The following ANKRD10 variants were observed in gnomAD, a reference collection of about 807,000 sequenced individuals.
ANKRD10 encodes the protein ankyrin repeat domain 10.
Under a neutral mutation model 27.0 loss-of-function variants are expected in ANKRD10, and 14 were observed. The observed-to-expected ratio is 0.52, with a 90% CI of 0.34 to 0.81. The LOEUF (loss-of-function observed/expected upper bound fraction) is 0.81. Among genes scored for constraint, ANKRD10 ranks in the 40% least tolerant of loss-of-function variants. ANKRD10 has a pLI of 0.01. For synonymous variants in ANKRD10, 250 were observed against 224.5 expected (o/e 1.11, Z -1.01); for missense variants, 493 against 544.0 (o/e 0.91, Z 0.93).
intron 3 of ANKRD10, chr13:110,895,208 T>C (rs989821377): frequency 1.3e-5 from 2 of 152,046 alleles, no homozygotes; most frequent in African/African-American, 4.8e-5. Flanking sequence ...AAATATGAAA[T>C]AAAGCCCACA....
intron 4 of ANKRD10, among the ~76,000 whole-genome samples, chr13:110,885,286 C>G (rs2064898873): frequency 6.6e-6 from 1 of 151,998 alleles, no homozygotes; most frequent in Non-Finnish European, 1.5e-5. Context: ...GGCATGGTGG[C>G]TCATGCCTGT....
chr13:110,887,852 C>A (rs1026544059), intron 4 of ANKRD10, among the ~76,000 whole-genome samples: 2 of 152,220 alleles, frequency 1.3e-5, no homozygotes, highest in Non-Finnish European at 2.9e-5. Flanking sequence ...GGCCTTTCCA[C>A]TGAACTGAGT....
chr13:110,909,386 G>A (rs1274808493), intron 2 of ANKRD10, among the ~76,000 whole-genome samples: 2 of 152,126 alleles, frequency 1.3e-5, no homozygotes, highest in African/African-American at 2.4e-5. Context: ...AACACAAGGC[G>A]CTGCCCAGCA....
chr13:110,893,301 C>T (rs182915684), intron 3 of ANKRD10, 38 bp from the exon 4 acceptor site: 36 of 1,595,386 alleles, frequency 2.3e-5, no homozygotes, highest in East Asian at 9.0e-5. Context: ...ACCCCATCCG[C>T]GTGCTAACCT....
chr13:110,905,248 T>C (rs1444650950), intron 3 of ANKRD10: 1 of 152,126 alleles, frequency 6.6e-6, no homozygotes, highest in Admixed American at 6.5e-5. Flanking sequence ...AGAAGAAAAA[T>C]TTTTATAATA....
intron 3 of ANKRD10, chr13:110,894,095 T>C (rs745310376): frequency 6.4e-7 from 1 of 1,564,498 alleles, no homozygotes; most frequent in Admixed American, 1.7e-5. Flanking sequence ...ATAGAGTAAG[T>C]TGAACTTGTA....
At chr13:110,913,778 C>T (rs1249216769) in intron 1 of ANKRD10, among the ~76,000 whole-genome samples, 1 of 152,210 alleles carries the variant, frequency 6.6e-6, no homozygotes, top group African/African-American at 2.4e-5. Context: ...ATACACATCC[C>T]TGAATTTCAG....
In ANKRD10 at chr13:110,894,261, T is replaced by TA. The variant is rs1289771319; in HGVS notation, c.456-999dup. On this transcript the variant is annotated intron_variant, in intron 3 of 5. Transcript: ENST00000267339. ...TTGATAAACAAACGGGAGAAGTACT[T>TA]AACAGCAAAGACAGCTTCCATACCT... The TA allele has an allele frequency of 5.1e-6, 6 of 1,184,928 alleles. No individual in the cohort carries two copies. The East Asian group carries it at 1.2e-4, about 23-fold the overall frequency. 73.4% of individuals were successfully genotyped at this position (1,184,928 alleles called of 1,614,324 possible).
At chr13:110,907,819 T>C (rs2065580302) in intron 2 of ANKRD10, among the ~76,000 whole-genome samples, 1 of 151,702 alleles carries the variant, frequency 6.6e-6, no homozygotes, top group Non-Finnish European at 1.5e-5. Flanking sequence ...CATAAAAACA[T>C]TCCCAGGAAA....
Position 110,910,425 on chromosome 13 carries a change from A to G in ANKRD10, c.363+193T>C, listed in dbSNP as rs112228704. Among the ~76,000 whole-genome samples the G allele has an allele frequency of 3.4e-3, 516 of 152,356 alleles. 1 individual carries two copies. The highest frequency in any genetic ancestry group is 5.5e-3 in the Non-Finnish European group (377 of 68,028). The stretch of plus-strand genomic sequence containing the variant: ...ATCACACAACAGGTGAAAGCACTCT[A>G]TGAACAGAAAGCATTCCTATGGAAA... On this transcript the variant is annotated intron_variant, in intron 2 of 5. Coordinates refer to ENST00000267339, the MANE Select transcript of ANKRD10 (RefSeq NM_017664.4).
chr13:110,907,689 C>A (rs1472965632), intron 2 of ANKRD10, among the ~76,000 whole-genome samples: 2 of 152,104 alleles, frequency 1.3e-5, no homozygotes, highest in African/African-American at 2.4e-5. Context: ...GAAAACCATG[C>A]GGCTATAAAC....
At chr13:110,880,477 G>A (rs1222885313) in intron 5 of ANKRD10, among the ~76,000 whole-genome samples, 2 of 152,066 alleles carry the variant, frequency 1.3e-5, no homozygotes, top group Non-Finnish European at 2.9e-5. Context: ...AATCGCCCCT[G>A]AAAAGGTCCA....
At chr13:110,913,472 C>G in intron 1 of ANKRD10, among the ~76,000 whole-genome samples, 1 of 152,258 alleles carries the variant, frequency 6.6e-6, no homozygotes, top group Non-Finnish European at 1.5e-5. Flanking sequence ...AGGAACCTAA[C>G]AGCCCTTGAG....
Position 110,879,804 on chromosome 13 carries a change from C to G in ANKRD10, c.1096G>C (p.Glu366Gln). 2 of 1,614,232 alleles carry G rather than the reference C, an allele frequency of 1.2e-6. No individual in the cohort carries two copies. The highest frequency in any genetic ancestry group is 1.7e-6 in the Non-Finnish European group (2 of 1,180,036). ...TAGTACAGGTTATCCCCAATGTCTTCCACCCAGGAAGGCCTACTGGCTATG... is the reference window on the plus strand; with the variant it reads ...TAGTACAGGTTATCCCCAATGTCTTGCACCCAGGAAGGCCTACTGGCTATG... ...SCIASRPSWV[E>Q]DIGDNLYYGH... is the part of the protein sequence containing the mutation. The change falls in exon 6 of 6, where the codon GAA becomes CAA. Residue 366 changes from glutamate (E) to glutamine (Q), a missense_variant. Coordinates refer to ENST00000267339, the MANE Select transcript of ANKRD10 (RefSeq NM_017664.4).
rs757601177 is a variant in ANKRD10, at chr13:110,883,711, AAACTCC to A, written c.768_773del (p.Arg256_Phe258delinsSer). ...GTCCACTCCCACCTGTTACAACAGC[AAACTCC>A]CTATCAACGTGCATTTTGTCAGCAT... is the stretch of plus-strand genomic sequence containing the variant. On this transcript the variant is annotated inframe_deletion, in exon 5 of 6. Coordinates refer to ENST00000267339, the MANE Select transcript of ANKRD10 (RefSeq NM_017664.4). The A allele has an allele frequency of 4.3e-6, 7 of 1,614,178 alleles. No individual in the cohort carries two copies. The highest frequency in any genetic ancestry group is 5.9e-6 in the Non-Finnish European group (7 of 1,180,012).
At chr13:110,882,763 ATTTTC>A (rs1182597005) in intron 5 of ANKRD10, among the ~76,000 whole-genome samples, 5 of 152,282 alleles carry the variant, frequency 3.3e-5, no homozygotes, top group East Asian at 3.9e-4. Context: ...AGATGAACAC[ATTTTC>A]TTTTAAGTTT....
intron 1 of ANKRD10, among the ~76,000 whole-genome samples, chr13:110,912,826 TTTCTG>T (rs2065758774): frequency 6.6e-6 from 1 of 152,196 alleles, no homozygotes; most frequent in African/African-American, 2.4e-5. Context: ...CCTGGCCTGA[TTTCTG>T]TCCTAACGGC....
chr13:110,914,390 GC>G (rs1018391979), intron 1 of ANKRD10: 2 of 188,238 alleles, frequency 1.1e-5, no homozygotes, highest in African/African-American at 4.7e-5. Flanking sequence ...GCGCGCGCGC[GC>G]TCGCACAGGA....
intron 2 of ANKRD10, among the ~76,000 whole-genome samples, chr13:110,908,244 AAAATT>A (rs542233855): frequency 2.6e-3 from 399 of 152,340 alleles, no homozygotes; most frequent in African/African-American, 9.1e-3. Flanking sequence ...CTAGATATGA[AAAATT>A]AAAGACAACA....
Sources: gnomAD v4.1 joint callset for allele counts (sites outside exome capture counted in the v4.1 genomes callset) on GRCh38, gnomAD v4.1.1 for gene constraint, MANE v1.5 for transcripts, NCBI Gene and HGNC (gene_info 2026-07-23, HGNC 2026-07-21) for gene names.